Variants in PDLIM1 observed in about 807,000 individuals in gnomAD.
PDLIM1 encodes PDZ and LIM domain protein 1.
PDLIM1 carries 25 observed loss-of-function variants against 35.2 expected under a neutral mutation model. The ratio of observed to expected loss-of-function variants is 0.71; its 90% CI spans 0.52 to 0.99. The LOEUF is 0.99. Ranked by LOEUF, PDLIM1 falls within the 50% of genes least tolerant of loss-of-function variation. PDLIM1 has a pLI of 0.00. For synonymous variants in PDLIM1, 152 were observed against 154.0 expected, an observed-to-expected ratio of 0.99 and a Z score of 0.10; for missense variants, 363 against 415.3, an observed-to-expected ratio of 0.87 and a Z score of 1.09.
At chr10:95,271,334 G>A (rs1318798071) in intron 2 of PDLIM1, among the ~76,000 whole-genome samples, 1 of 151,496 alleles carries the variant, frequency 6.6e-6, no homozygotes, top group Non-Finnish European at 1.5e-5. Flanking sequence ...CTACTCAGGA[G>A]GCTAAGGCAG....
chr10:95,275,995 C>G (rs1356861849), intron 1 of PDLIM1, among the ~76,000 whole-genome samples: 5 of 152,078 alleles, frequency 3.3e-5, no homozygotes, highest in Non-Finnish European at 7.3e-5. Flanking sequence ...AGATTAAGTT[C>G]ACATTCTTTT....
chr10:95,279,759 T>C (rs975607278), intron 1 of PDLIM1, among the ~76,000 whole-genome samples: 4 of 152,104 alleles, frequency 2.6e-5, no homozygotes, highest in African/African-American at 9.7e-5. Flanking sequence ...AGCAAGAAAA[T>C]GTGATTCTCA....
chr10:95,260,924 G>C (rs1196509994), intron 4 of PDLIM1, among the ~76,000 whole-genome samples: 1 of 152,238 alleles, frequency 6.6e-6, no homozygotes, highest in South Asian at 2.1e-4. Flanking sequence ...AGCAAGCTGA[G>C]ATCCCCCCAT....
In PDLIM1 at chr10:95,277,640, A is replaced by AAAAATAAAATAAAATAAAAT. The variant is rs45565541; in HGVS notation, c.97-5876_97-5857dup. 3.3e-4 allele frequency among the ~76,000 whole-genome samples: 50 copies of AAAAATAAAATAAAATAAAAT among 150,372 alleles called. 1 individual carries two copies. The highest frequency in any genetic ancestry group is 1.1e-3 in the African/African-American group (47 of 40,906). ...CCTGGGCAACAGAGTAAGAATGTCT[A>AAAAATAAAATAAAATAAAAT]AAAATAAAATAAAATAAAATAAAAC... On this transcript the variant is annotated intron_variant, in intron 1 of 6. Transcript: ENST00000329399.
intron 1 of PDLIM1, among the ~76,000 whole-genome samples, chr10:95,281,531 C>T (rs2133441146): frequency 6.6e-6 from 1 of 152,350 alleles, no homozygotes; most frequent in South Asian, 2.1e-4. Context: ...AGCACCACTA[C>T]ACTCCAGCTT....
At chr10:95,282,248 C>G (rs7916334) in intron 1 of PDLIM1, among the ~76,000 whole-genome samples, 60,853 of 152,030 alleles carry the variant, frequency 0.4, 12,216 homozygotes, top group East Asian at 0.53. Flanking sequence ...ATGCCATTTA[C>G]ATGTGGAATT....
In PDLIM1 at chr10:95,247,228, C is replaced by T. The variant is rs746753664; in HGVS notation, c.672G>A (p.Glu224=). Residue 224 remains glutamate, a synonymous_variant, in exon 5 of 7, where the codon GAG becomes GAA. Transcript: ENST00000329399. ...TSFLVLQEIL[E]SEEKGDPNKP... ...GGAGCTGATTACCTTTTTCTTCAGA[C>T]TCCAGGATTTCCTGCAAAACCAAGA... 6 of 1,613,270 alleles carry T rather than the reference C, an allele frequency of 3.7e-6. No individual in the cohort carries two copies. The South Asian group carries it at 5.5e-5, about 15-fold the overall frequency.
At chr10:95,276,425 T>C (rs1477226040) in intron 1 of PDLIM1, among the ~76,000 whole-genome samples, 1 of 152,200 alleles carries the variant, frequency 6.6e-6, no homozygotes, top group Non-Finnish European at 1.5e-5. Context: ...TGCCCTGTAC[T>C]GATCTGGGGC....
intron 1 of PDLIM1, among the ~76,000 whole-genome samples, chr10:95,278,122 T>C (rs1394418574): frequency 6.6e-6 from 1 of 152,240 alleles, no homozygotes. Flanking sequence ...CATCCTTATG[T>C]ACATTCTGAA....
At chr10:95,276,468 C>A (rs568020234) in intron 1 of PDLIM1, among the ~76,000 whole-genome samples, 1 of 152,300 alleles carries the variant, frequency 6.6e-6, no homozygotes, top group South Asian at 2.1e-4. Flanking sequence ...AATTTACAAA[C>A]CATAACACAG....
At chr10:95,264,153 T>C (rs2035391715) in intron 3 of PDLIM1, 90 bp from the exon 4 acceptor site, 1 of 1,065,438 alleles carries the variant, frequency 9.4e-7, no homozygotes, top group Non-Finnish European at 1.4e-6. Context: ...GGGAGAGGTG[T>C]TCCAGCTGCT....
chr10:95,240,548 C>T (rs978800557), intron 5 of PDLIM1, among the ~76,000 whole-genome samples: 2 of 152,124 alleles, frequency 1.3e-5, no homozygotes, highest in African/African-American at 4.8e-5. Flanking sequence ...GGATGCTGGG[C>T]TTAATATCTA....
chr10:95,259,951 A>G (rs376862847), intron 4 of PDLIM1, among the ~76,000 whole-genome samples: 4 of 152,294 alleles, frequency 2.6e-5, no homozygotes, highest in Admixed American at 2.6e-4. Context: ...GGCTGAATTT[A>G]ATGGGCAAGA....
At chr10:95,245,165 C>T (rs2035209337) in intron 5 of PDLIM1, among the ~76,000 whole-genome samples, 1 of 152,140 alleles carries the variant, frequency 6.6e-6, no homozygotes, top group African/African-American at 2.4e-5. Context: ...CCCAGACTCT[C>T]GTTTAACTAG....
chr10:95,284,714 A>C (rs2035587453), intron 1 of PDLIM1, among the ~76,000 whole-genome samples: 1 of 152,202 alleles, frequency 6.6e-6, no homozygotes, highest in African/African-American at 2.4e-5. Flanking sequence ...TTATTGTCTT[A>C]CTTGATACGA....
At chr10:95,271,968 C>T (rs1168096067) in intron 1 of PDLIM1, among the ~76,000 whole-genome samples, 184 bp from the exon 2 acceptor site, 1 of 152,136 alleles carries the variant, frequency 6.6e-6, no homozygotes, top group African/African-American at 2.4e-5. Context: ...AATATGATCT[C>T]ATTGTATCCC....
At chr10:95,268,453 C>T (rs1296671227) in intron 3 of PDLIM1, among the ~76,000 whole-genome samples, 1 of 152,162 alleles carries the variant, frequency 6.6e-6, no homozygotes, top group Non-Finnish European at 1.5e-5. Context: ...TTGCTGAAAT[C>T]CATAACGAGC....
rs1261417482 is a variant in PDLIM1 at position 95,264,074 on chromosome 10, G to T, written c.334-11C>A. 2 of 1,612,152 alleles carry T rather than the reference G, an allele frequency of 1.2e-6. No individual in the cohort carries two copies. On this transcript the variant is annotated splice_polypyrimidine_tract_variant and intron_variant, in intron 3 of 6. Coordinates refer to ENST00000329399, the MANE Select transcript of PDLIM1 (RefSeq NM_020992.4). ...TATGTGCAGGACCTCCTGCAGGCAGGGATCAGAGGAGAAATCAAGGGGGGC... is the reference window on the plus strand; with the variant it reads ...TATGTGCAGGACCTCCTGCAGGCAGTGATCAGAGGAGAAATCAAGGGGGGC...
chr10:95,241,237 G>A (rs2035175400), intron 5 of PDLIM1, among the ~76,000 whole-genome samples: 1 of 152,148 alleles, frequency 6.6e-6, no homozygotes, highest in African/African-American at 2.4e-5. Context: ...TCACACAATG[G>A]ACATTTATTA....
Sources: gnomAD v4.1 joint callset for allele counts (sites outside exome capture counted in the v4.1 genomes callset) on GRCh38, gnomAD v4.1.1 for gene constraint, MANE v1.5 for transcripts, NCBI Gene and HGNC (gene_info 2026-07-23, HGNC 2026-07-21) for gene names.